NCOA2: variants seen among roughly 807,000 people sequenced by gnomAD.
NCOA2 encodes the protein nuclear receptor coactivator 2, also known as class E basic helix-loop-helix protein 75.
Under a neutral mutation model 145.1 loss-of-function variants are expected in NCOA2, and 21 were observed. The ratio of observed to expected loss-of-function variants is 0.14; its 90% confidence interval spans 0.10 to 0.21. The LOEUF is 0.21. Ranked by LOEUF, NCOA2 falls within the 10% of genes least tolerant of loss-of-function variation. The probability of loss-of-function intolerance (pLI) is 1.00; values close to 1 mark genes in which losing one functional copy is unlikely to be tolerated. For missense variants in NCOA2, 1,472 were observed against 1,837.6 expected (o/e 0.80, Z 3.64); for synonymous variants, 619 against 637.5 (o/e 0.97, Z 0.44).
chr8:70,358,075 C>CA (rs957331081), intron 1 of NCOA2, among the ~76,000 whole-genome samples: 50 of 151,310 alleles, frequency 3.3e-4, no homozygotes, highest in African/African-American at 9.2e-4. Flanking sequence ...AGAACAACAA[C>CA]AAAAAAAACC....
chr8:70,163,728 T>C (rs1174459837), intron 7 of NCOA2, among the ~76,000 whole-genome samples, 162 bp from the exon 8 acceptor site: 1 of 152,102 alleles, frequency 6.6e-6, no homozygotes, highest in Non-Finnish European at 1.5e-5. Context: ...ATTCTCTTCA[T>C]GAAAGTGGTA....
rs1432517839 is a variant in NCOA2 at position 70,278,911 on chromosome 8, A to T, written c.-20+17833T>A. On this transcript the variant is annotated intron_variant, in intron 2 of 22. Coordinates refer to ENST00000452400, the MANE Select transcript of NCOA2 (RefSeq NM_006540.4). ...AACCTGGGAGGCAGACACTGCAGTG[A>T]ACCGACGTTGTGCCACTGCACTCCA... Among the ~76,000 whole-genome samples, 3 of 152,026 alleles carry T rather than the reference A, an allele frequency of 2.0e-5. No homozygotes were observed. In the East Asian group the frequency reaches 5.8e-4, roughly 29 times the overall value.
intron 1 of NCOA2, among the ~76,000 whole-genome samples, chr8:70,347,093 G>T (rs1367221001): frequency 6.6e-6 from 1 of 152,078 alleles, no homozygotes; most frequent in African/African-American, 2.4e-5. Flanking sequence ...CTACGATAGT[G>T]GGATTTACTT....
At chr8:70,198,370 T>G (rs1465549472) in intron 4 of NCOA2, among the ~76,000 whole-genome samples, 3 of 152,062 alleles carry the variant, frequency 2.0e-5, no homozygotes, top group African/African-American at 7.2e-5. Flanking sequence ...AGAAGTACGA[T>G]GGCCAGAAAG....
At chr8:70,136,550 G>GAA (rs67745153) in intron 15 of NCOA2, among the ~76,000 whole-genome samples, 1 of 137,168 alleles carries the variant, frequency 7.3e-6, no homozygotes. Context: ...ATGAATGAAG[G>GAA]AAAAAAAAAA....
At chr8:70,426,327 C>T in the NCOA2 span, among the ~76,000 whole-genome samples, 1 of 152,100 alleles carries the variant, frequency 6.6e-6, no homozygotes, top group African/African-American at 2.4e-5. Flanking sequence ...AACTAAGAAA[C>T]AAAATAACTG....
intron 2 of NCOA2, among the ~76,000 whole-genome samples, chr8:70,259,609 T>A (rs559695720): frequency 6.6e-6 from 1 of 152,184 alleles, no homozygotes. Flanking sequence ...AAATGTTAGA[T>A]GAAGAAATAT....
chr8:70,417,107 C>T, the NCOA2 span, among the ~76,000 whole-genome samples: 1 of 151,862 alleles, frequency 6.6e-6, no homozygotes, highest in African/African-American at 2.4e-5. Flanking sequence ...GTAGCTAGTA[C>T]TTAAAACTAC....
chr8:70,197,379 C>G (rs555227238), intron 4 of NCOA2, among the ~76,000 whole-genome samples: 2 of 152,330 alleles, frequency 1.3e-5, no homozygotes, highest in South Asian at 4.1e-4. Flanking sequence ...AATGCAGGCA[C>G]AGGCCAAGCT....
rs201667723 is a variant in NCOA2, at chr8:70,161,883, AT to A, written c.976+827del. 3.4e-3 allele frequency among the ~76,000 whole-genome samples: 493 copies of A among 145,248 alleles called. 1 individual carries two copies. Among genetic ancestry groups the A allele is most frequent in the Non-Finnish European group, 4.3e-3 (281 of 65,532 alleles). ...AATTAGCACATACTAAAGCAAAAGA[AT>A]TTTTTTTTTTTTTGGTTCCTACCTC... On this transcript the variant is annotated intron_variant, in intron 9 of 22. Coordinates refer to ENST00000452400, the MANE Select transcript of NCOA2 (RefSeq NM_006540.4).
intron 1 of NCOA2, among the ~76,000 whole-genome samples, chr8:70,305,413 G>A (rs1189340842): frequency 6.6e-6 from 1 of 152,078 alleles, no homozygotes; most frequent in Non-Finnish European, 1.5e-5. Context: ...ACAATAAAGA[G>A]AACATTAATT....
At chr8:70,121,970 C>G (rs1585720313) in intron 21 of NCOA2, among the ~76,000 whole-genome samples, 1 of 152,326 alleles carries the variant, frequency 6.6e-6, no homozygotes, top group African/African-American at 2.4e-5. Context: ...TGCCTTGGGG[C>G]TTCCAAATTA....
intron 2 of NCOA2, among the ~76,000 whole-genome samples, chr8:70,281,355 CAAAAAAAA>C (rs372574771): frequency 0.14 from 8,752 of 60,956 alleles, 327 homozygotes; most frequent in Admixed American, 0.23. Context: ...GACCCTGTCT[CAAAAAAAA>C]AAAAAAAAAA....
intron 2 of NCOA2, among the ~76,000 whole-genome samples, chr8:70,268,364 A>G (rs1586313010): frequency 6.6e-6 from 1 of 152,128 alleles, no homozygotes; most frequent in African/African-American, 2.4e-5. Context: ...CTCCTCATGT[A>G]CCCTCTAAAT....
chr8:70,380,750 T>G (rs1032122399), intron 1 of NCOA2, among the ~76,000 whole-genome samples: 1 of 151,958 alleles, frequency 6.6e-6, no homozygotes, highest in African/African-American at 2.4e-5. Context: ...TGTTAATTCA[T>G]ATATACCACA....
In NCOA2 at chr8:70,138,515, G is replaced by A. The variant is rs1488509089; in HGVS notation, c.3029-183C>T. ...GAAATAGAAGTCAATAAATATGAAA[G>A]CCATTTCAGAGAATATCTAGACAAG... On this transcript the variant is annotated intron_variant, in intron 14 of 22. Coordinates refer to ENST00000452400, the MANE Select transcript of NCOA2 (RefSeq NM_006540.4). 5.3e-5 allele frequency among the ~76,000 whole-genome samples: 8 copies of A among 152,284 alleles called. No individual in the cohort carries two copies. In the East Asian group the frequency reaches 1.5e-3, roughly 29 times the overall value.
chr8:70,168,456 T>C (rs1813874381), intron 6 of NCOA2, among the ~76,000 whole-genome samples: 2 of 152,176 alleles, frequency 1.3e-5, no homozygotes, highest in South Asian at 4.1e-4. Context: ...GAAGCTGGGA[T>C]TACAGGCACG....
chr8:70,194,012 A>C (rs182351298), intron 4 of NCOA2, among the ~76,000 whole-genome samples: 1 of 152,256 alleles, frequency 6.6e-6, no homozygotes, highest in Admixed American at 6.5e-5. Context: ...CTCCAACTGG[A>C]CTCTAAATCT....
At chr8:70,259,325 G>A (rs1823914038) in intron 2 of NCOA2, among the ~76,000 whole-genome samples, 1 of 152,062 alleles carries the variant, frequency 6.6e-6, no homozygotes, top group Non-Finnish European at 1.5e-5. Flanking sequence ...AACTATTCAT[G>A]TTATATCATG....
Sources: gnomAD v4.1 joint callset for allele counts (sites outside exome capture counted in the v4.1 genomes callset) on GRCh38, gnomAD v4.1.1 for gene constraint, MANE v1.5 for transcripts, NCBI Gene and HGNC (gene_info 2026-07-23, HGNC 2026-07-21) for gene names.